CEP112: variants seen among roughly 807,000 people sequenced by gnomAD.
CEP112 encodes centrosomal protein 112, also known as centrosomal protein of 112 kDa.
In CEP112, 127 loss-of-function variants were observed where a neutral mutation model predicts 153.0. The observed-to-expected ratio is 0.83, with a 90% CI of 0.72 to 0.96. CEP112 has a LOEUF of 0.96. Among genes scored for constraint, CEP112 ranks in the 40% least tolerant of loss-of-function variants. The pLI is 0.00. For synonymous variants in CEP112, 358 were observed against 374.4 expected (o/e 0.96, Z 0.51); for missense variants, 1,089 against 1,101.2 (o/e 0.99, Z 0.16).
intron 20 of CEP112, among the ~76,000 whole-genome samples, chr17:65,884,706 C>CTTTTTTTT (rs11370374): frequency 7.7e-6 from 1 of 130,658 alleles, no homozygotes; most frequent in Non-Finnish European, 1.6e-5. Context: ...TTTGTAGTTT[C>CTTTTTTTT]TTTTTTTTTT....
At chr17:65,675,341 T>C (rs1304988380) in intron 24 of CEP112, among the ~76,000 whole-genome samples, 1 of 152,170 alleles carries the variant, frequency 6.6e-6, no homozygotes, top group Non-Finnish European at 1.5e-5. Flanking sequence ...CCACCACCTA[T>C]ATTACAGGTG....
intron 21 of CEP112, among the ~76,000 whole-genome samples, chr17:65,825,283 T>A (rs1014983095): frequency 6.6e-6 from 1 of 152,184 alleles, no homozygotes; most frequent in Non-Finnish European, 1.5e-5. Context: ...AGAGCAATGG[T>A]CCTCAGCCTT....
chr17:65,703,136 C>T (rs1395743819), intron 23 of CEP112, among the ~76,000 whole-genome samples: 4 of 152,166 alleles, frequency 2.6e-5, no homozygotes, highest in Non-Finnish European at 5.9e-5. Flanking sequence ...TAACTCAAAG[C>T]TGTCATGCTA....
At chr17:65,874,547 G>T (rs1365373177) in intron 20 of CEP112, among the ~76,000 whole-genome samples, 1 of 152,060 alleles carries the variant, frequency 6.6e-6, no homozygotes, top group African/African-American at 2.4e-5. Context: ...TACTTCCCAT[G>T]TATTGGCAAA....
rs115938090 is a variant in CEP112, at chr17:65,668,467, A to G, written c.2697+20662T>C. 9.1e-3 allele frequency among the ~76,000 whole-genome samples: 1,387 copies of G among 152,076 alleles called. 21 individuals are homozygous for G. The highest frequency in any genetic ancestry group is 0.032 in the African/African-American group (1,329 of 41,460). ...GTATTTCTGCATTTTTCTTTTCCTA[A>G]CTCAGATCCCCCACCTGGAAGATCT... On this transcript the variant is annotated intron_variant, in intron 24 of 26. Transcript: ENST00000535342.
intron 1 of CEP112, 28 bp from the exon 2 acceptor site, chr17:66,183,335 A>C: frequency 6.8e-7 from 1 of 1,478,020 alleles, no homozygotes; most frequent in Non-Finnish European, 9.4e-7. Context: ...TCAAAATATT[A>C]AGGATTTGTA....
intron 20 of CEP112, among the ~76,000 whole-genome samples, chr17:65,853,307 C>T (rs1365046574): frequency 6.6e-6 from 1 of 151,914 alleles, no homozygotes; most frequent in Admixed American, 6.6e-5. Context: ...CCTTTGTCTT[C>T]AGATGGATTT....
At chr17:65,971,593 A>G (rs1049021563) in intron 17 of CEP112, among the ~76,000 whole-genome samples, 5 of 150,486 alleles carry the variant, frequency 3.3e-5, no homozygotes, top group South Asian at 2.1e-4. Flanking sequence ...TATTACATGC[A>G]TGCATATTGT....
intron 24 of CEP112, among the ~76,000 whole-genome samples, chr17:65,654,523 A>C (rs868343226): frequency 6.6e-6 from 1 of 152,220 alleles, no homozygotes; most frequent in Non-Finnish European, 1.5e-5. Flanking sequence ...CTGGTGCAGG[A>C]AGCAGTTGCC....
chr17:65,774,818 A>G (rs1370662084), intron 21 of CEP112, among the ~76,000 whole-genome samples: 3 of 152,178 alleles, frequency 2.0e-5, no homozygotes, highest in Non-Finnish European at 4.4e-5. Flanking sequence ...AATGGATTCC[A>G]GTGAAGCAGG....
At chr17:65,942,019 C>T (rs1173424644) in intron 18 of CEP112, among the ~76,000 whole-genome samples, 2 of 152,116 alleles carry the variant, frequency 1.3e-5, no homozygotes, top group Non-Finnish European at 2.9e-5. Flanking sequence ...TAAGAGAAAG[C>T]CCACGTATCC....
chr17:65,727,308 G>T (rs1258916990), intron 23 of CEP112, among the ~76,000 whole-genome samples: 1 of 151,832 alleles, frequency 6.6e-6, no homozygotes, highest in Non-Finnish European at 1.5e-5. Context: ...CTGCTTTCAT[G>T]TTCTTTGCTC....
intron 18 of CEP112, among the ~76,000 whole-genome samples, chr17:65,940,801 A>C (rs1199792734): frequency 6.6e-6 from 1 of 152,170 alleles, no homozygotes; most frequent in East Asian, 1.9e-4. Context: ...CAAGAAGAAT[A>C]CTTTCTAGTG....
intron 21 of CEP112, among the ~76,000 whole-genome samples, chr17:65,851,396 TA>T (rs1301162315): frequency 6.6e-6 from 1 of 152,212 alleles, no homozygotes; most frequent in Non-Finnish European, 1.5e-5. Flanking sequence ...GACACTGTTA[TA>T]AAAAGCTGTA....
At chr17:65,639,448 G>A (rs1319862731) in intron 25 of CEP112, among the ~76,000 whole-genome samples, 2 of 151,912 alleles carry the variant, frequency 1.3e-5, no homozygotes, top group East Asian at 3.9e-4. Context: ...GGCTGAGGTG[G>A]GCGAATTGCT....
At chr17:65,958,589 T>C (rs2062082645) in intron 18 of CEP112, among the ~76,000 whole-genome samples, 1 of 46,850 alleles carries the variant, frequency 2.1e-5, no homozygotes, top group African/African-American at 6.2e-5. Flanking sequence ...GCCAGCCCCC[T>C]GCTGCCTCAG....
At chr17:65,862,901 C>G (rs1010065465) in intron 20 of CEP112, among the ~76,000 whole-genome samples, 2 of 152,030 alleles carry the variant, frequency 1.3e-5, no homozygotes, top group African/African-American at 4.8e-5. Context: ...ATAGGAGACA[C>G]TTAATTCTAA....
chr17:65,903,999 C>A (rs187033076), intron 19 of CEP112, among the ~76,000 whole-genome samples: 5 of 152,250 alleles, frequency 3.3e-5, no homozygotes, highest in Admixed American at 2.0e-4. Flanking sequence ...AAACCCACAG[C>A]CAATATCATA....
intron 4 of CEP112, among the ~76,000 whole-genome samples, chr17:66,149,884 G>GTTT (rs1242689416): frequency 0.077 from 3,581 of 46,442 alleles, 334 homozygotes; most frequent in South Asian, 0.085. Flanking sequence ...TTTTTTGTTT[G>GTTT]TTTGTTTTTT....
Sources: gnomAD v4.1 joint callset for allele counts (sites outside exome capture counted in the v4.1 genomes callset) on GRCh38, gnomAD v4.1.1 for gene constraint, MANE v1.5 for transcripts, NCBI Gene and HGNC (gene_info 2026-07-23, HGNC 2026-07-21) for gene names.